The following KIF16B variants were observed in gnomAD, a reference collection of about 807,000 sequenced individuals.
KIF16B encodes the protein kinesin family member 16B.
In KIF16B, 98 loss-of-function variants were observed where a neutral mutation model predicts 156.3. The ratio of observed to expected loss-of-function variants is 0.63; its 90% CI spans 0.53 to 0.74. KIF16B has a LOEUF of 0.74. Among genes scored for constraint, KIF16B ranks in the 30% least tolerant of loss-of-function variants. The pLI, the probability that KIF16B is intolerant of heterozygous loss-of-function variation, is 0.00. For missense variants in KIF16B, 1,421 were observed against 1,606.5 expected, an observed-to-expected ratio of 0.88 and a Z score of 1.97; for synonymous variants, 564 against 583.7, an observed-to-expected ratio of 0.97 and a Z score of 0.49.
Position 16,511,475 on chromosome 20 carries a change from A to G in KIF16B, c.499T>C (p.Ser167Pro), listed in dbSNP as rs1055537116. The G allele has an allele frequency of 2.5e-6, 4 of 1,613,032 alleles. No homozygotes were observed. The highest frequency in any genetic ancestry group is 3.4e-6 in the Non-Finnish European group (4 of 1,179,376). The change falls in exon 6 of 26, where the codon TCT becomes CCT. Residue 167 changes from serine to proline, a missense_variant. Physicochemically the swap from Ser to Pro is moderately conservative, Grantham distance 74. Coordinates refer to ENST00000354981, the MANE Select transcript of KIF16B (RefSeq NM_024704.5). Reference protein sequence around the residue: ...RVRDLLRRKSSKTFNLRVREH... With the variant: ...RVRDLLRRKSPKTFNLRVREH... ...CGGACTCTCAAATTGAAGGTTTTAG[A>G]TGACTTCCGCCGAAGTAGATCTCTC...
chr20:16,298,976 G>C lies in KIF16B; in HGVS notation c.3795+13359C>G, dbSNP rs117368917. Among the ~76,000 whole-genome samples the C allele has an allele frequency of 3.1e-4, 47 of 152,134 alleles. 1 individual carries two copies. In the East Asian group the frequency reaches 9.1e-3, roughly 29 times the overall value. ...AGAAAGACGTATCAACCAATGCTAT[G>C]TGTAAATATGTTGGTCATGATTGAA... On this transcript the variant is annotated intron_variant, in intron 25 of 25. Transcript: ENST00000354981.
chr20:16,309,440 A>T (rs1019865173), intron 25 of KIF16B, among the ~76,000 whole-genome samples: 1 of 152,204 alleles, frequency 6.6e-6, no homozygotes, highest in Admixed American at 6.5e-5. Flanking sequence ...CAAGGTAAAA[A>T]AATTAATCTC....
chr20:16,571,722 T>A (rs1056484789), intron 1 of KIF16B, among the ~76,000 whole-genome samples: 1 of 151,900 alleles, frequency 6.6e-6, no homozygotes, highest in Non-Finnish European at 1.5e-5. Flanking sequence ...CTCTGCCTCC[T>A]GGGTTCACAC....
intron 23 of KIF16B, among the ~76,000 whole-genome samples, chr20:16,340,462 C>A (rs1036078010): frequency 6.6e-6 from 1 of 152,202 alleles, no homozygotes; most frequent in African/African-American, 2.4e-5. Context: ...AAGATTTTTA[C>A]CTGTTGGTCA....
chr20:16,407,263 G>T (rs896821848), intron 15 of KIF16B, among the ~76,000 whole-genome samples: 2 of 152,192 alleles, frequency 1.3e-5, no homozygotes, highest in Admixed American at 1.3e-4. Context: ...CCAGAGGCAT[G>T]TAAGAGAAAA....
At chr20:16,394,302 C>T (rs985266570) in intron 17 of KIF16B, among the ~76,000 whole-genome samples, 4 of 152,188 alleles carry the variant, frequency 2.6e-5, no homozygotes, top group Non-Finnish European at 5.9e-5. Context: ...AAACAGAAAA[C>T]ACCCGAAGCT....
At chr20:16,489,254 G>A (rs1237425783) in intron 12 of KIF16B, among the ~76,000 whole-genome samples, 1 of 152,154 alleles carries the variant, frequency 6.6e-6, no homozygotes, top group Non-Finnish European at 1.5e-5. Context: ...GATGCTAGGC[G>A]AGGCTGAAGG....
chr20:16,344,100 A>T (rs1402751235), intron 23 of KIF16B, among the ~76,000 whole-genome samples: 1 of 152,212 alleles, frequency 6.6e-6, no homozygotes, highest in African/African-American at 2.4e-5. Context: ...TAATTCATTA[A>T]CTAATTCTAC....
intron 20 of KIF16B, 100 bp from the exon 21 acceptor site, chr20:16,371,861 CCTT>C: frequency 1.4e-6 from 1 of 737,144 alleles, no homozygotes; most frequent in Non-Finnish European, 2.4e-6. Flanking sequence ...GGAGCAATCT[CCTT>C]CTAAATACCA....
At chr20:16,567,725 C>T (rs538346272) in intron 1 of KIF16B, among the ~76,000 whole-genome samples, 230 of 152,118 alleles carry the variant, frequency 1.5e-3, no homozygotes, top group African/African-American at 5.4e-3. Context: ...CTGAGGCGGG[C>T]GGATCATGAG....
intron 17 of KIF16B, among the ~76,000 whole-genome samples, chr20:16,403,616 C>G (rs897066069): frequency 3.9e-5 from 6 of 152,182 alleles, no homozygotes; most frequent in African/African-American, 7.2e-5. Flanking sequence ...CCCAGGAGTC[C>G]ACAGCCACAG....
chr20:16,341,783 C>T (rs551249176), intron 23 of KIF16B, among the ~76,000 whole-genome samples: 29 of 152,268 alleles, frequency 1.9e-4, no homozygotes, highest in Non-Finnish European at 4.0e-4. Context: ...GGTTAAGGTC[C>T]GAGCAGCCTG....
chr20:16,302,941 T>C (rs1402935133), intron 25 of KIF16B, among the ~76,000 whole-genome samples: 1 of 152,190 alleles, frequency 6.6e-6, no homozygotes, highest in Non-Finnish European at 1.5e-5. Flanking sequence ...AACAATCACA[T>C]CATCTGTGAA....
At chr20:16,530,369 T>C (rs940592922) in intron 1 of KIF16B, among the ~76,000 whole-genome samples, 4 of 152,168 alleles carry the variant, frequency 2.6e-5, no homozygotes, top group Non-Finnish European at 5.9e-5. Context: ...CAGGCGGGCT[T>C]TCAAGACTGT....
chr20:16,434,291 G>A (rs1158942910), intron 12 of KIF16B, among the ~76,000 whole-genome samples: 1 of 152,174 alleles, frequency 6.6e-6, no homozygotes, highest in African/African-American at 2.4e-5. Context: ...AGGCAGGGCT[G>A]CCCAGATCTC....
In KIF16B at chr20:16,508,091, T is replaced by C. The variant is rs1178042980; in HGVS notation, c.566A>G (p.Lys189Arg). The C allele has an allele frequency of 1.2e-6, 2 of 1,613,952 alleles. No homozygotes were observed. The highest frequency in any genetic ancestry group is 1.1e-5 in the South Asian group (1 of 91,030). The change falls in exon 7 of 26, where the codon AAA (lysine) becomes AGA (arginine). Residue 189 changes from lysine (K) to arginine (R), a missense_variant. Physicochemically the swap from Lys to Arg is conservative, Grantham distance 26 (BLOSUM62 2). Transcript: ENST00000354981. ...GTCACCATAATTCTGTACTAAATGT[T>C]TGGATAAATCTGAAAAAGAAAATGG... ...KEGPYVEDLS[K>R]HLVQNYGDVE...
At chr20:16,344,016 G>C (rs1489910389) in intron 23 of KIF16B, among the ~76,000 whole-genome samples, 1 of 152,162 alleles carries the variant, frequency 6.6e-6, no homozygotes, top group Non-Finnish European at 1.5e-5. Context: ...AAAAGTTTAG[G>C]CTCTGTGACT....
At chr20:16,492,432 A>G (rs2068322071) in intron 12 of KIF16B, among the ~76,000 whole-genome samples, 1 of 152,250 alleles carries the variant, frequency 6.6e-6, no homozygotes, top group South Asian at 2.1e-4. Context: ...CGAGAAAGGG[A>G]AAAACATTGA....
intron 19 of KIF16B, among the ~76,000 whole-genome samples, chr20:16,376,617 T>C (rs1306346799): frequency 6.6e-6 from 1 of 152,178 alleles, no homozygotes; most frequent in Non-Finnish European, 1.5e-5. Context: ...GTCTATTTCA[T>C]CAAAACTCAT....
Sources: gnomAD v4.1 joint callset for allele counts (sites outside exome capture counted in the v4.1 genomes callset) on GRCh38, gnomAD v4.1.1 for gene constraint, MANE v1.5 for transcripts, NCBI Gene and HGNC (gene_info 2026-07-23, HGNC 2026-07-21) for gene names.